NISCH: variants seen among roughly 807,000 people sequenced by gnomAD.
NISCH encodes the protein I-1 receptor candidate protein.
In NISCH, 55 loss-of-function variants were observed where a neutral mutation model predicts 138.4. The ratio of observed to expected loss-of-function variants is 0.40; its 90% CI spans 0.32 to 0.50. NISCH has a LOEUF of 0.50. Among genes scored for constraint, NISCH ranks in the 20% least tolerant of loss-of-function variants. The pLI is 0.71. For synonymous variants in NISCH, 860 were observed against 861.5 expected, an observed-to-expected ratio of 1.00 and a Z score of 0.03; for missense variants, 1,643 against 2,005.5, an observed-to-expected ratio of 0.82 and a Z score of 3.45.
At chr3:52,459,880 G>A (rs115737376) in intron 3 of NISCH, among the ~76,000 whole-genome samples, 5,531 of 151,072 alleles carry the variant, frequency 0.037, 138 homozygotes, top group Middle Eastern at 0.095. Flanking sequence ...TAGTAGAAGA[G>A]GTTAAAAAAA....
chr3:52,472,094 G>T, intron 5 of NISCH, 117 bp downstream of exon 5: 1 of 1,191,432 alleles, frequency 8.4e-7, no homozygotes, highest in Non-Finnish European at 1.2e-6. Context: ...GTGGAAGGAA[G>T]GCCGCCCGGT....
At position 52,480,178 on chromosome 3, in the gene NISCH, C is replaced by T; in HGVS notation, c.1417-6C>T. 1.2e-6 allele frequency: 2 copies of T among 1,613,842 alleles called. No homozygotes were observed. The highest frequency in any genetic ancestry group is 1.7e-6 in the Non-Finnish European group (2 of 1,179,992). On this transcript the variant is annotated splice_region_variant and splice_polypyrimidine_tract_variant and intron_variant, in intron 12 of 20. Transcript: ENST00000345716. Reference sequence around the variant, plus strand: ...CTCCCGGGCTGACTCAAGCACTCGTCCTCAGGGTGGTGAAGACTCCCGGCT... The same window carrying T: ...CTCCCGGGCTGACTCAAGCACTCGTTCTCAGGGTGGTGAAGACTCCCGGCT...
chr3:52,480,778 C>T, intron 13 of NISCH: 1 of 1,453,922 alleles, frequency 6.9e-7, no homozygotes, highest in Non-Finnish European at 9.0e-7. Context: ...TTTGTGGGGC[C>T]AAGATGGGCC....
rs924293354 is a variant in NISCH at position 52,471,517 on chromosome 3, C to T, written c.410-297C>T. ...TGTCACCCAGAATGCTGTCCCTCTC[C>T]GCAGCCTCACTCTGGCCCAGTGCCT... On this transcript the variant is annotated intron_variant, in intron 4 of 20. Coordinates refer to ENST00000345716, the MANE Select transcript of NISCH (RefSeq NM_007184.4). 6.4e-5 allele frequency: 33 copies of T among 514,602 alleles called. No homozygotes were observed. The East Asian group carries it at 7.1e-4, about 11-fold the overall frequency. The allele number at this position is 514,602 out of a possible 1,614,324, so 31.9% of individuals were successfully genotyped here.
At chr3:52,484,925 G>C (rs966440447) in intron 14 of NISCH, among the ~76,000 whole-genome samples, 1 of 152,088 alleles carries the variant, frequency 6.6e-6, no homozygotes, top group Admixed American at 6.5e-5. Context: ...GGGCACGAGG[G>C]GGGCAGGTGG....
At chr3:52,485,684 G>C in intron 14 of NISCH, 94 bp from the exon 15 acceptor site, 1 of 1,383,732 alleles carries the variant, frequency 7.2e-7, no homozygotes, top group Non-Finnish European at 1.0e-6. Flanking sequence ...GGCGGTGATG[G>C]AGGGCAGAAT....
intron 13 of NISCH, 51 bp from the exon 14 acceptor site, chr3:52,484,462 T>TAGGG: frequency 1.3e-6 from 1 of 788,670 alleles, no homozygotes; most frequent in East Asian, 3.5e-5. Context: ...ACAGCCGCTC[T>TAGGG]CCCCGCCCCA....
At chr3:52,478,071 T>C in intron 9 of NISCH, 26 bp from the exon 10 acceptor site, 10 of 1,611,856 alleles carry the variant, frequency 6.2e-6, no homozygotes, top group Non-Finnish European at 8.5e-6. Flanking sequence ...CTGAGCCACT[T>C]TACGCTGTTC....
Position 52,458,691 on chromosome 3 carries a change from T to G in NISCH, c.207T>G (p.Asn69Lys), listed in dbSNP as rs1541495. The change falls in exon 3 of 21, where the codon AAT (asparagine) becomes AAG (lysine). Residue 69 changes from asparagine to lysine, a missense_variant. Asn to Lys is a moderately conservative substitution (Grantham distance 94). Coordinates refer to ENST00000345716, the MANE Select transcript of NISCH (RefSeq NM_007184.4). ...TTGCAGAGAGAAAGATTGATAAAAA[T>G]CTGCTTCCGCCCAAAAAGATAATTG... ...KLVAERKIDK[N>K]LLPPKKIIGK... The G allele has an allele frequency of 1.2e-6, 2 of 1,613,350 alleles. No individual in the cohort carries two copies. Among genetic ancestry groups the G allele is most frequent in the Non-Finnish European group, 1.7e-6 (2 of 1,179,872 alleles).
intron 6 of NISCH, among the ~76,000 whole-genome samples, chr3:52,473,194 C>T (rs1231759958): frequency 6.6e-6 from 1 of 152,236 alleles, no homozygotes; most frequent in African/African-American, 2.4e-5. Context: ...GTGTGCCCTG[C>T]TGCCGATTGA....
chr3:52,491,169 T>A (rs1707551271), intron 19 of NISCH, among the ~76,000 whole-genome samples, 183 bp from the exon 20 acceptor site: 1 of 152,216 alleles, frequency 6.6e-6, no homozygotes, highest in African/African-American at 2.4e-5. Flanking sequence ...TCCAGAAAAA[T>A]GCCTCAGCTC....
intron 13 of NISCH, chr3:52,481,984 C>G: frequency 1.1e-6 from 1 of 915,268 alleles, no homozygotes. Flanking sequence ...CTGATGTCTC[C>G]GCTCTATCCG....
chr3:52,459,029 C>G (rs1042895269), intron 3 of NISCH, among the ~76,000 whole-genome samples, 185 bp downstream of exon 3: 1 of 152,048 alleles, frequency 6.6e-6, no homozygotes, highest in Non-Finnish European at 1.5e-5. Context: ...ACAGATTTGC[C>G]GTAAATTAGA....
At chr3:52,463,050 T>G (rs1706680944) in intron 3 of NISCH, among the ~76,000 whole-genome samples, 1 of 152,248 alleles carries the variant, frequency 6.6e-6, no homozygotes, top group Admixed American at 6.5e-5. Context: ...CCATCACCAC[T>G]ATCTAATTCC....
intron 20 of NISCH, 116 bp from the exon 21 acceptor site, chr3:52,491,756 G>T: frequency 3.0e-6 from 4 of 1,353,282 alleles, no homozygotes; most frequent in Non-Finnish European, 4.0e-6. Flanking sequence ...CACACTTGGA[G>T]CATCCTCTCC....
chr3:52,458,664 C>T lies in NISCH; in HGVS notation c.180C>T (p.Leu60=), dbSNP rs140873050. Residue 60 remains leucine, a splice_region_variant and synonymous_variant, in exon 3 of 21, where the codon CTC becomes CTT. Transcript: ENST00000345716. ...GATGTGCTTATGTTTTTTTACAGCT[C>T]GTTGCAGAGAGAAAGATTGATAAAA... is the stretch of plus-strand genomic sequence containing the variant. ...YSDFHDLHEK[L]VAERKIDKNL... 6.6e-5 allele frequency: 107 copies of T among 1,611,068 alleles called. 2 individuals are homozygous for T. In the African/African-American group the frequency reaches 9.8e-4, roughly 15 times the overall value.
In NISCH at chr3:52,487,721, C is replaced by A. The variant is rs1162541769; in HGVS notation, c.2229C>A (p.His743Gln). The change falls in exon 16 of 21, where the codon CAC (histidine) becomes CAA (glutamine). Residue 743 changes from histidine to glutamine, a missense_variant. His to Gln is a conservative substitution (Grantham distance 24, BLOSUM62 0). Coordinates refer to ENST00000345716, the MANE Select transcript of NISCH (RefSeq NM_007184.4). This position sits in a 1 kb window ranked among gnomAD's most constrained non-coding sequence, Gnocchi z 9.1. ...GCATCGCAGTCTTCGAGATCCCGCA[C>A]CAGGAGTCTCGGGGCAGCAGCCAGC... is the stretch of plus-strand genomic sequence containing the variant. The part of the protein sequence containing the change: ...DFGIAVFEIP[H>Q]QESRGSSQHI... 6.2e-7 allele frequency: 1 copy of A among 1,613,618 alleles called. No individual in the cohort carries two copies. Among genetic ancestry groups the A allele is most frequent in the Non-Finnish European group, 8.5e-7 (1 of 1,180,020 alleles).
At chr3:52,472,226 C>A in intron 5 of NISCH, 77 bp from the exon 6 acceptor site, 1 of 1,385,306 alleles carries the variant, frequency 7.2e-7, no homozygotes, top group African/African-American at 1.4e-5. Flanking sequence ...AAGTTGTCTT[C>A]AACTTGTCAG....
In NISCH at chr3:52,455,608, T is replaced by C; in HGVS notation, c.-34T>C. On this transcript the variant is annotated 5_prime_UTR_variant, in exon 1 of 21. Transcript: ENST00000345716. Reference sequence around the variant, plus strand: ...ACCCCGCCCCCTGCTGCTGCTAGTCTGCGCCGGGCGGCGGTGGCGGCGGAG... The same window carrying C: ...ACCCCGCCCCCTGCTGCTGCTAGTCCGCGCCGGGCGGCGGTGGCGGCGGAG... 4.7e-6 allele frequency: 6 copies of C among 1,279,948 alleles called. No individual in the cohort carries two copies. The highest frequency in any genetic ancestry group is 6.0e-6 in the Non-Finnish European group (6 of 1,006,856). The allele number at this position is 1,279,948 out of a possible 1,614,324, so 79.3% of individuals were successfully genotyped here.
Sources: allele counts gnomAD v4.1 joint callset (sites outside exome capture counted in the v4.1 genomes callset), GRCh38; gene constraint gnomAD v4.1.1; non-coding constraint Gnocchi (gnomAD v3.1); transcripts MANE v1.5; gene names NCBI Gene and HGNC (gene_info 2026-07-23, HGNC 2026-07-21).